CCDC122: variants seen among roughly 807,000 people sequenced by gnomAD.
CCDC122 encodes the protein coiled-coil domain-containing protein 122.
In CCDC122, 38 loss-of-function variants were observed where a neutral mutation model predicts 37.0. The ratio of observed to expected loss-of-function variants is 1.03; its 90% CI spans 0.79 to 1.35. The LOEUF is 1.35. Ranked by LOEUF, CCDC122 falls within the 40% of genes most tolerant of loss-of-function variation. The probability of loss-of-function intolerance (pLI) is 0.00; values close to 1 mark genes in which losing one functional copy is unlikely to be tolerated. For missense variants in CCDC122, 305 were observed against 310.0 expected (o/e 0.98, Z 0.12); for synonymous variants, 83 against 95.6 (o/e 0.87, Z 0.77).
chr13:43,819,502 T>C (rs1952980080), downstream of CCDC122, among the ~76,000 whole-genome samples: 1 of 152,178 alleles, frequency 6.6e-6, no homozygotes, highest in Admixed American at 6.5e-5. Context: ...GATGTAATTA[T>C]GAAAAAGAAA....
chr13:43,871,747 A>C (rs1205268828), intron 2 of CCDC122, among the ~76,000 whole-genome samples: 1 of 152,086 alleles, frequency 6.6e-6, no homozygotes, highest in East Asian at 1.9e-4. Context: ...CTCATCCTCA[A>C]GCCACTAAGT....
intron 3 of CCDC122, among the ~76,000 whole-genome samples, chr13:43,829,586 G>A (rs763843182): frequency 2.0e-5 from 3 of 152,110 alleles, no homozygotes; most frequent in Non-Finnish European, 4.4e-5. Flanking sequence ...GATTACAGGT[G>A]TGAGCCAACA....
chr13:43,830,300 G>C (rs1953077662), intron 3 of CCDC122, among the ~76,000 whole-genome samples: 1 of 152,182 alleles, frequency 6.6e-6, no homozygotes, highest in South Asian at 2.1e-4. Context: ...GGAGGAGGGA[G>C]GAACAGGGAG....
chr13:43,847,595 A>G (rs1399900979), intron 6 of CCDC122, among the ~76,000 whole-genome samples: 1 of 152,236 alleles, frequency 6.6e-6, no homozygotes, highest in Non-Finnish European at 1.5e-5. Context: ...AGGATAGCCT[A>G]TAAAAAGTGC....
intron 6 of CCDC122, chr13:43,849,148 T>C: frequency 1.4e-6 from 1 of 717,140 alleles, no homozygotes; most frequent in Non-Finnish European, 1.7e-6. Context: ...AACTTTTAAA[T>C]GAATTAGAAG....
intron 6 of CCDC122, among the ~76,000 whole-genome samples, chr13:43,838,774 C>T: frequency 6.6e-6 from 1 of 152,120 alleles, no homozygotes; most frequent in East Asian, 1.9e-4. Flanking sequence ...GGAAAGGTGA[C>T]AGGAATGTGC....
At position 43,837,389 on chromosome 13, in the gene CCDC122, T is replaced by G. The variant is rs368813902; in HGVS notation, c.713A>C (p.His238Pro). 1 of 1,614,096 alleles carries G rather than the reference T, an allele frequency of 6.2e-7. No individual in the cohort carries two copies. Among genetic ancestry groups the G allele is most frequent in the Non-Finnish European group, 8.5e-7 (1 of 1,180,002 alleles). Residue 238 changes from histidine (H) to proline (P), a missense_variant, in exon 7 of 7, where the codon CAT (histidine) becomes CCT (proline). Transcript: ENST00000444614. ...TGACTGAAGCTTGTTCACCTGACAA[T>G]GCAAACGCTTAAGAATTGCATCATA... is the stretch of plus-strand genomic sequence containing the variant. ...KRYDAILKRL[H>P]CQVNKLQSNR...
intron 2 of CCDC122, among the ~76,000 whole-genome samples, chr13:43,869,907 G>C (rs968119037): frequency 6.6e-6 from 1 of 151,982 alleles, no homozygotes; most frequent in Non-Finnish European, 1.5e-5. Context: ...AGGAAATATA[G>C]CACTCCTGTC....
downstream of CCDC122, among the ~76,000 whole-genome samples, chr13:43,835,146 T>C (rs1346039780): frequency 6.6e-6 from 1 of 152,118 alleles, no homozygotes; most frequent in African/African-American, 2.4e-5. Flanking sequence ...AATGATGAGT[T>C]CATGTCCTTT....
intron 6 of CCDC122, among the ~76,000 whole-genome samples, chr13:43,841,683 C>T (rs888305299): frequency 1.3e-5 from 2 of 152,104 alleles, no homozygotes; most frequent in African/African-American, 4.8e-5. Context: ...AATATTTTTA[C>T]TTTTGTGATT....
chr13:43,857,435 AT>A (rs1416102839), intron 6 of CCDC122, among the ~76,000 whole-genome samples: 1 of 135,816 alleles, frequency 7.4e-6, no homozygotes, highest in African/African-American at 2.7e-5. Flanking sequence ...CCTATGTTGT[AT>A]TCAATACTTA....
downstream of CCDC122, among the ~76,000 whole-genome samples, chr13:43,819,253 G>A (rs1170658703): frequency 6.6e-6 from 1 of 152,130 alleles, no homozygotes; most frequent in Non-Finnish European, 1.5e-5. Context: ...AAAATGGTAG[G>A]TAAAACACCA....
At chr13:43,826,406 C>T (rs767533288) in intron 3 of CCDC122, among the ~76,000 whole-genome samples, 26 of 152,084 alleles carry the variant, frequency 1.7e-4, no homozygotes, top group Non-Finnish European at 2.5e-4. Flanking sequence ...TTACTGTGGT[C>T]GTTTATTTAT....
At chr13:43,844,309 T>C (rs1390497319) in intron 6 of CCDC122, among the ~76,000 whole-genome samples, 1 of 152,046 alleles carries the variant, frequency 6.6e-6, no homozygotes. Context: ...TTTAGAAGTA[T>C]GGTCAATTTC....
At chr13:43,846,247 G>A (rs1481399745) in intron 6 of CCDC122, among the ~76,000 whole-genome samples, 1 of 151,878 alleles carries the variant, frequency 6.6e-6, no homozygotes, top group Non-Finnish European at 1.5e-5. Flanking sequence ...GCTAATTTTT[G>A]TATTTTTAGT....
At chr13:43,858,608 T>C (rs569657124) in intron 6 of CCDC122, 173 bp downstream of exon 6, 34 of 357,468 alleles carry the variant, frequency 9.5e-5, no homozygotes, top group Non-Finnish European at 1.5e-4. Flanking sequence ...CATCTTTGAA[T>C]GAGGGGGTTA....
At chr13:43,876,940 G>T (rs759185267) in intron 1 of CCDC122, among the ~76,000 whole-genome samples, 1 of 152,020 alleles carries the variant, frequency 6.6e-6, no homozygotes, top group East Asian at 1.9e-4. Context: ...GTGAAACCCC[G>T]TCTCTACTAA....
chr13:43,851,346 C>T (rs1953720144), intron 6 of CCDC122, among the ~76,000 whole-genome samples: 1 of 152,158 alleles, frequency 6.6e-6, no homozygotes, highest in Non-Finnish European at 1.5e-5. Context: ...ATGAAAATTT[C>T]TAAATTTAAC....
intron 4 of CCDC122, among the ~76,000 whole-genome samples, chr13:43,865,476 T>C (rs990746712): frequency 1.3e-5 from 2 of 152,158 alleles, no homozygotes; most frequent in Admixed American, 1.3e-4. Flanking sequence ...TTTTTTCCTA[T>C]ACATATATAC....
Sources: allele counts gnomAD v4.1 joint callset (sites outside exome capture counted in the v4.1 genomes callset), GRCh38; gene constraint gnomAD v4.1.1; transcripts MANE v1.5; gene names NCBI Gene and HGNC (gene_info 2026-07-23, HGNC 2026-07-21).